TMEM108: variants seen among roughly 807,000 people sequenced by gnomAD.
TMEM108 encodes the protein transmembrane protein 108.
In TMEM108, 12 loss-of-function variants were observed where a neutral mutation model predicts 35.1. That is an observed-to-expected ratio of 0.34 (90% CI 0.22 to 0.55). TMEM108 has a LOEUF of 0.55. Among genes scored for constraint, TMEM108 ranks in the 20% least tolerant of loss-of-function variants. The pLI, the probability that TMEM108 is intolerant of heterozygous loss-of-function variation, is 0.89. For missense variants in TMEM108, 680 were observed against 753.3 expected, an observed-to-expected ratio of 0.90 and a Z score of 1.14; for synonymous variants, 287 against 308.6, an observed-to-expected ratio of 0.93 and a Z score of 0.73.
chr3:133,374,840 G>C (rs144805551), intron 3 of TMEM108, among the ~76,000 whole-genome samples: 4 of 152,186 alleles, frequency 2.6e-5, no homozygotes, highest in African/African-American at 9.7e-5. Flanking sequence ...CAACAATAGA[G>C]AATCAGTTCT....
At chr3:133,059,082 A>C (rs1215406877) in intron 2 of TMEM108, among the ~76,000 whole-genome samples, 2 of 152,178 alleles carry the variant, frequency 1.3e-5, no homozygotes, top group Non-Finnish European at 2.9e-5. Flanking sequence ...TCCTCCTCAC[A>C]TAGTGAAAAG....
intron 2 of TMEM108, among the ~76,000 whole-genome samples, chr3:133,058,623 C>A (rs564787133): frequency 6.6e-6 from 1 of 152,236 alleles, no homozygotes; most frequent in Non-Finnish European, 1.5e-5. Context: ...TGAGAGGCCC[C>A]CAGAGAGGAG....
At chr3:133,278,954 A>C (rs1284011917) in intron 3 of TMEM108, among the ~76,000 whole-genome samples, 1 of 152,186 alleles carries the variant, frequency 6.6e-6, no homozygotes, top group South Asian at 2.1e-4. Flanking sequence ...GAGGACATAC[A>C]TGAAAGTTTG....
intron 3 of TMEM108, among the ~76,000 whole-genome samples, chr3:133,366,494 G>A (rs1323010429): frequency 6.6e-6 from 1 of 152,162 alleles, no homozygotes; most frequent in Non-Finnish European, 1.5e-5. Context: ...CTTGGGTTCC[G>A]TGACAAGCTT....
At chr3:133,294,017 C>T (rs1456752184) in intron 3 of TMEM108, among the ~76,000 whole-genome samples, 1 of 152,194 alleles carries the variant, frequency 6.6e-6, no homozygotes, top group African/African-American at 2.4e-5. Context: ...CAGAAAGTCT[C>T]AGATTTGTTA....
Position 133,131,410 on chromosome 3 carries a change from T to C in TMEM108, c.-47+85390T>C, listed in dbSNP as rs1944488939. Among the ~76,000 whole-genome samples, 3 of 151,224 alleles carry C rather than the reference T, an allele frequency of 2.0e-5. No homozygotes were observed. In the South Asian group the frequency reaches 6.4e-4, roughly 32 times the overall value. On this transcript the variant is annotated intron_variant, in intron 2 of 5. Coordinates refer to ENST00000321871, the MANE Select transcript of TMEM108 (RefSeq NM_023943.4). ...CAACACCTATTTCCAACAGCATGTG[T>C]TTAATTCATGTCTCTGTGTCACATT...
chr3:133,370,871 AGTGTGTGTGTGTGTGTGTGT>A lies in TMEM108; in HGVS notation c.41-8849_41-8830del, dbSNP rs71624013. Among the ~76,000 whole-genome samples the A allele has an allele frequency of 3.9e-3, 489 of 125,554 alleles. 1 individual carries two copies. Among genetic ancestry groups the A allele is most frequent in the African/African-American group, 0.011 (356 of 33,252 alleles). 82.4% of individuals were successfully genotyped at this position (125,554 alleles called of 152,430 possible). A position where few individuals can be genotyped will look rare whatever the true frequency, so the allele number is the denominator to read the frequency against. ...TATTCCGTCTGTTTCCCCAGCCCAT[AGTGTGTGTGTGTGTGTGTGT>A]GTGTGTGTGTGTGTGTGTGTGTGTG... On this transcript the variant is annotated intron_variant, in intron 3 of 5. Transcript: ENST00000321871.
At chr3:133,328,841 A>G (rs574463679) in intron 3 of TMEM108, among the ~76,000 whole-genome samples, 4 of 152,296 alleles carry the variant, frequency 2.6e-5, no homozygotes, top group Admixed American at 2.0e-4. Flanking sequence ...TGAACCTTCT[A>G]TGCCACAGGT....
At chr3:133,176,123 T>C (rs1161090409) in intron 2 of TMEM108, among the ~76,000 whole-genome samples, 1 of 149,798 alleles carries the variant, frequency 6.7e-6, no homozygotes, top group East Asian at 1.9e-4. Flanking sequence ...AAGAGCTAAC[T>C]ATCCTAAATA....
At chr3:133,371,435 G>C (rs547528149) in intron 3 of TMEM108, among the ~76,000 whole-genome samples, 3 of 152,170 alleles carry the variant, frequency 2.0e-5, no homozygotes, top group South Asian at 4.2e-4. Flanking sequence ...GAGGCTGAAG[G>C]CCGTGAACCT....
intron 3 of TMEM108, among the ~76,000 whole-genome samples, chr3:133,347,465 A>G (rs1422991013): frequency 6.6e-6 from 1 of 152,172 alleles, no homozygotes; most frequent in East Asian, 1.9e-4. Flanking sequence ...TTGATGGTAT[A>G]TAGAAAACCA....
chr3:133,325,382 G>A (rs1299408202), intron 3 of TMEM108, among the ~76,000 whole-genome samples: 2 of 152,180 alleles, frequency 1.3e-5, no homozygotes, highest in Non-Finnish European at 2.9e-5. Context: ...CACTGCTTAG[G>A]TGATGAGTGC....
chr3:133,376,315 C>T (rs889955776), intron 3 of TMEM108, among the ~76,000 whole-genome samples: 1 of 152,172 alleles, frequency 6.6e-6, no homozygotes. Context: ...ATGGTGGCTC[C>T]TCTCCCACCT....
chr3:133,263,834 T>G (rs1226693977), intron 3 of TMEM108, among the ~76,000 whole-genome samples: 1 of 152,194 alleles, frequency 6.6e-6, no homozygotes, highest in South Asian at 2.1e-4. Context: ...GCACATCCAG[T>G]TCAGAAATAA....
chr3:133,239,718 T>C (rs1038757594), intron 3 of TMEM108, among the ~76,000 whole-genome samples: 1 of 152,214 alleles, frequency 6.6e-6, no homozygotes, highest in Non-Finnish European at 1.5e-5. Flanking sequence ...TCCAGAGACC[T>C]TGAGAATCGC....
At chr3:133,166,729 T>C (rs1238502189) in intron 2 of TMEM108, among the ~76,000 whole-genome samples, 1 of 152,176 alleles carries the variant, frequency 6.6e-6, no homozygotes, top group East Asian at 1.9e-4. Context: ...TGTTACAGCT[T>C]ATAAAGGCAG....
At chr3:133,252,321 G>A (rs1298378904) in intron 3 of TMEM108, among the ~76,000 whole-genome samples, 1 of 152,172 alleles carries the variant, frequency 6.6e-6, no homozygotes, top group African/African-American at 2.4e-5. Context: ...CTGCACAACT[G>A]TGGGGGCACC....
At chr3:133,230,448 T>C (rs573579669) in intron 3 of TMEM108, among the ~76,000 whole-genome samples, 2 of 152,350 alleles carry the variant, frequency 1.3e-5, no homozygotes, top group South Asian at 2.1e-4. Flanking sequence ...CTCATGTTCC[T>C]TTTCCATGTG....
chr3:133,217,802 C>G (rs1240047608), intron 2 of TMEM108, among the ~76,000 whole-genome samples: 1 of 152,038 alleles, frequency 6.6e-6, no homozygotes, highest in East Asian at 1.9e-4. Flanking sequence ...ATGTCAATAC[C>G]AAACAGTTTT....
Sources: allele counts gnomAD v4.1 joint callset (sites outside exome capture counted in the v4.1 genomes callset), GRCh38; gene constraint gnomAD v4.1.1; transcripts MANE v1.5; gene names NCBI Gene and HGNC (gene_info 2026-07-23, HGNC 2026-07-21).